Variants in NPHP1 observed in about 807,000 individuals in gnomAD.
NPHP1 encodes nephrocystin-1.
NPHP1 carries 70 observed loss-of-function variants against 90.4 expected under a neutral mutation model. That is an observed-to-expected ratio of 0.77 (90% CI 0.64 to 0.95). NPHP1 has a LOEUF of 0.95. NPHP1 is among the 40% of genes least tolerant of loss of function. The probability of loss-of-function intolerance (pLI) is 0.00; values close to 1 mark genes in which losing one functional copy is unlikely to be tolerated. For missense variants in NPHP1, 764 were observed against 795.9 expected, an observed-to-expected ratio of 0.96 and a Z score of 0.48; for synonymous variants, 256 against 271.7, an observed-to-expected ratio of 0.94 and a Z score of 0.57.
chr2:110,150,651 G>C (rs915455810), intron 11 of NPHP1, among the ~76,000 whole-genome samples: 7 of 152,010 alleles, frequency 4.6e-5, no homozygotes, highest in Admixed American at 4.6e-4. Flanking sequence ...CCAGGTACAA[G>C]TGATTCTCCT....
intron 13 of NPHP1, 77 bp from the exon 14 acceptor site, chr2:110,146,912 A>G: frequency 6.8e-6 from 7 of 1,030,392 alleles, no homozygotes; most frequent in Non-Finnish European, 1.1e-5. Context: ...GTCCTTTTAA[A>G]GGAACAAAAT....
intron 14 of NPHP1, among the ~76,000 whole-genome samples, chr2:110,145,454 C>A (rs1165885265): frequency 6.6e-6 from 1 of 151,954 alleles, no homozygotes; most frequent in East Asian, 1.9e-4. Flanking sequence ...CCATGCTTGG[C>A]TAATTTTTTT....
At chr2:110,145,831 A>G (rs897831749) in intron 14 of NPHP1, among the ~76,000 whole-genome samples, 2 of 152,204 alleles carry the variant, frequency 1.3e-5, no homozygotes, top group Admixed American at 6.5e-5. Context: ...AAAAAAGCAA[A>G]TAACAATCAC....
intron 2 of NPHP1, among the ~76,000 whole-genome samples, chr2:110,182,458 T>TA (rs1683972722): frequency 6.6e-6 from 1 of 151,786 alleles, no homozygotes; most frequent in African/African-American, 2.4e-5. Flanking sequence ...CCAAACCCTA[T>TA]AAGCCAGCAG....
chr2:110,187,239 T>C (rs979300822), intron 2 of NPHP1, among the ~76,000 whole-genome samples: 2 of 151,904 alleles, frequency 1.3e-5, no homozygotes, highest in Non-Finnish European at 1.5e-5. Context: ...AGCTGGTTTT[T>C]TGAAAAAAAT....
intron 2 of NPHP1, among the ~76,000 whole-genome samples, chr2:110,180,463 T>G (rs1433197622): frequency 6.7e-6 from 1 of 148,238 alleles, no homozygotes; most frequent in African/African-American, 2.5e-5. Flanking sequence ...TTTTTTTTTT[T>G]TTTTTTTTGC....
intron 4 of NPHP1, among the ~76,000 whole-genome samples, chr2:110,175,896 T>G (rs1382169540): frequency 1.3e-5 from 2 of 152,120 alleles, no homozygotes; most frequent in Non-Finnish European, 1.5e-5. Flanking sequence ...GTTCTTTGCA[T>G]TTTTTTATTT....
At chr2:110,197,982 A>G (rs903532143) in intron 2 of NPHP1, among the ~76,000 whole-genome samples, 1 of 152,174 alleles carries the variant, frequency 6.6e-6, no homozygotes, top group Non-Finnish European at 1.5e-5. Context: ...CTCCTGGTTC[A>G]GGATAAAAAC....
chr2:110,138,986 G>A (rs1338450234), intron 16 of NPHP1, among the ~76,000 whole-genome samples: 1 of 152,006 alleles, frequency 6.6e-6, no homozygotes, highest in Non-Finnish European at 1.5e-5. Flanking sequence ...AAAGTTCTGG[G>A]CTGCTAAAGG....
chr2:110,201,382 G>A (rs1268487977), intron 2 of NPHP1, 39 bp downstream of exon 2: 1 of 1,264,024 alleles, frequency 7.9e-7, no homozygotes, highest in Non-Finnish European at 1.2e-6. Flanking sequence ...AAATGTAAGT[G>A]CGGTTCCTGT....
chr2:110,203,834 A>G (rs901548959), intron 1 of NPHP1, among the ~76,000 whole-genome samples: 3 of 150,410 alleles, frequency 2.0e-5, no homozygotes, highest in Non-Finnish European at 3.0e-5. Flanking sequence ...AAGTCTTGTT[A>G]TGTTGCCCAG....
At chr2:110,188,556 G>T (rs1294836476) in intron 2 of NPHP1, among the ~76,000 whole-genome samples, 3 of 152,100 alleles carry the variant, frequency 2.0e-5, no homozygotes, top group Non-Finnish European at 4.4e-5. Flanking sequence ...TGGATAGGAA[G>T]AATCATATCG....
chr2:110,164,441 T>A, intron 8 of NPHP1: 1 of 774,218 alleles, frequency 1.3e-6, no homozygotes, highest in South Asian at 1.4e-5. Flanking sequence ...AATGAGAATG[T>A]TTCCAAGTCC....
intron 12 of NPHP1, among the ~76,000 whole-genome samples, chr2:110,149,725 A>G (rs1681325715): frequency 6.6e-6 from 1 of 152,150 alleles, no homozygotes; most frequent in Non-Finnish European, 1.5e-5. Flanking sequence ...AAACAACACG[A>G]AGACATCTTT....
intron 14 of NPHP1, among the ~76,000 whole-genome samples, chr2:110,145,859 A>C (rs771059982): frequency 6.6e-6 from 1 of 152,218 alleles, no homozygotes; most frequent in Non-Finnish European, 1.5e-5. Context: ...CTGGCACCCC[A>C]GGTAATGCAC....
intron 2 of NPHP1, 143 bp downstream of exon 2, chr2:110,201,278 A>G: frequency 1.5e-6 from 1 of 675,096 alleles, no homozygotes; most frequent in Admixed American, 2.2e-5. Flanking sequence ...CATCAGGTTT[A>G]GGTTGGTTTC....
At chr2:110,190,026 C>A (rs553305441) in intron 2 of NPHP1, among the ~76,000 whole-genome samples, 2 of 152,194 alleles carry the variant, frequency 1.3e-5, no homozygotes, top group African/African-American at 4.8e-5. Flanking sequence ...CATTCACAAA[C>A]ACTGAGCTAG....
At chr2:110,193,816 C>G (rs1469357112) in intron 2 of NPHP1, among the ~76,000 whole-genome samples, 2 of 152,010 alleles carry the variant, frequency 1.3e-5, no homozygotes, top group African/African-American at 4.8e-5. Context: ...TCTCTCAGAC[C>G]AAAGTGCAAT....
At chr2:110,157,575 T>C (rs772923470) in intron 11 of NPHP1, among the ~76,000 whole-genome samples, 1 of 152,138 alleles carries the variant, frequency 6.6e-6, no homozygotes, top group Admixed American at 6.6e-5. Flanking sequence ...CCCCATCTCA[T>C]TGAATGTTGC....
Sources: gnomAD v4.1 joint callset for allele counts (sites outside exome capture counted in the v4.1 genomes callset) on GRCh38, gnomAD v4.1.1 for gene constraint, MANE v1.5 for transcripts, NCBI Gene and HGNC (gene_info 2026-07-23, HGNC 2026-07-21) for gene names.